The following VTCN1 variants were observed in gnomAD, a reference collection of about 807,000 sequenced individuals.
VTCN1 encodes the protein V-set domain-containing T-cell activation inhibitor 1.
In VTCN1, 26 loss-of-function variants were observed where a neutral mutation model predicts 26.5. The ratio of observed to expected loss-of-function variants is 0.98; its 90% CI spans 0.72 to 1.36. The LOEUF is 1.36. VTCN1 is among the 40% of genes most tolerant of loss of function. VTCN1 has a pLI of 0.00. For synonymous variants in VTCN1, 116 were observed against 130.7 expected (o/e 0.89, Z 0.77); for missense variants, 298 against 337.7 (o/e 0.88, Z 0.92).
At chr1:117,198,554 C>T (rs374277095) in intron 1 of VTCN1, among the ~76,000 whole-genome samples, 21 of 152,278 alleles carry the variant, frequency 1.4e-4, no homozygotes, top group South Asian at 4.1e-4. Flanking sequence ...ATTCTGGCTA[C>T]GTGTGCCTTC....
intron 1 of VTCN1, among the ~76,000 whole-genome samples, chr1:117,194,774 A>G (rs1648426073): frequency 6.6e-6 from 1 of 152,256 alleles, no homozygotes; most frequent in African/African-American, 2.4e-5. Context: ...AGCCACAAAA[A>G]GACAAATACT....
rs145887761 is a variant in VTCN1, at chr1:117,157,092, G to GATATATATATATATATATATATAT, written c.98-172_98-171insATATATATATATATATATATATAT. On this transcript the variant is annotated intron_variant, in intron 2 of 5. Coordinates refer to ENST00000369458, the MANE Select transcript of VTCN1 (RefSeq NM_024626.4). The stretch of plus-strand genomic sequence containing the variant: ...GAAAGAGCAGGAAGACAATCATTTT[G>GATATATATATATATATATATATAT]ATATATATATATATATATATATAGC... 466 of 561,234 alleles carry GATATATATATATATATATATATAT rather than the reference G, an allele frequency of 8.3e-4. 5 individuals carry two copies. The highest frequency in any genetic ancestry group is 5.9e-3 in the African/African-American group (233 of 39,732). The allele number at this position is 561,234 out of a possible 1,614,324, so 34.8% of individuals were successfully genotyped here.
At chr1:117,150,938 T>C (rs1209039033) in intron 4 of VTCN1, among the ~76,000 whole-genome samples, 1 of 152,226 alleles carries the variant, frequency 6.6e-6, no homozygotes, top group African/African-American at 2.4e-5. Context: ...TCATAGCATA[T>C]GATAGGATTT....
rs575586580 is a variant in VTCN1 at position 117,161,544 on chromosome 1, A to C, written c.98-4623T>G. 6.6e-6 allele frequency among the ~76,000 whole-genome samples: 1 copy of C among 152,328 alleles called. No individual in the cohort carries two copies. The highest frequency in any genetic ancestry group is 1.9e-4 in the East Asian group (1 of 5,190). ...TAGTTTGTGAGCTTTTCAAGAGCAG[A>C]AACTGTCTTAATCCTATCTGTAAGT... On this transcript the variant is annotated intron_variant, in intron 2 of 5. Transcript: ENST00000369458. This position sits in a 1 kb window ranked among gnomAD's most constrained non-coding sequence, Gnocchi z 4.3.
rs1647764801 is a variant in VTCN1, at chr1:117,183,324, T to G, written c.33-13153A>C. On this transcript the variant is annotated intron_variant, in intron 1 of 5. Transcript: ENST00000369458. This position sits in a 1 kb window ranked among gnomAD's most constrained non-coding sequence, Gnocchi z 4.1. ...GCCCCACCTTACAGACTGCTTCCCT[T>G]GGAGCGTCTAGCACATAGTCTTTAA... Among the ~76,000 whole-genome samples, 1 of 152,214 alleles carries G rather than the reference T, an allele frequency of 6.6e-6. No individual in the cohort carries two copies. Among genetic ancestry groups the G allele is most frequent in the South Asian group, 2.1e-4 (1 of 4,828 alleles).
chr1:117,196,428 A>T (rs965243602), intron 1 of VTCN1, among the ~76,000 whole-genome samples: 7 of 151,294 alleles, frequency 4.6e-5, no homozygotes, highest in Admixed American at 1.3e-4. Flanking sequence ...AGAGAGACGG[A>T]AAAAAAAGAC....
chr1:117,148,190 C>CTCAT (rs1316518085), intron 4 of VTCN1, among the ~76,000 whole-genome samples: 2 of 152,200 alleles, frequency 1.3e-5, no homozygotes, highest in Non-Finnish European at 2.9e-5. Context: ...AAGTATTATT[C>CTCAT]TCATTCTGAA....
At position 117,175,896 on chromosome 1, in the gene VTCN1, G is replaced by A. The variant is rs557284586; in HGVS notation, c.33-5725C>T. 4.0e-5 allele frequency among the ~76,000 whole-genome samples: 6 copies of A among 151,438 alleles called. No homozygotes were observed. Among genetic ancestry groups the A allele is most frequent in the South Asian group, 2.1e-4 (1 of 4,796 alleles). The stretch of plus-strand genomic sequence containing the variant: ...AGCGATTCTCCCGTCTCAGCTTCCC[G>A]AGTAGCTGGGATTACAGGCACGTGC... On this transcript the variant is annotated intron_variant, in intron 1 of 5. Coordinates refer to ENST00000369458, the MANE Select transcript of VTCN1 (RefSeq NM_024626.4). This position sits in a 1 kb window ranked among gnomAD's most constrained non-coding sequence, Gnocchi z 4.2.
chr1:117,195,088 C>T (rs1648444535), intron 1 of VTCN1, among the ~76,000 whole-genome samples: 1 of 151,474 alleles, frequency 6.6e-6, no homozygotes, highest in Non-Finnish European at 1.5e-5. Context: ...ATAGTGAAAC[C>T]CTATCTCTAG....
chr1:117,210,630 T>C (rs1649304193), intron 1 of VTCN1, among the ~76,000 whole-genome samples, 194 bp downstream of exon 1: 1 of 152,214 alleles, frequency 6.6e-6, no homozygotes, highest in South Asian at 2.1e-4. Flanking sequence ...AACAGGTGCC[T>C]TGAGCAGCTG....
chr1:117,199,500 A>G (rs1200350648), intron 1 of VTCN1, among the ~76,000 whole-genome samples: 1 of 151,840 alleles, frequency 6.6e-6, no homozygotes, highest in South Asian at 2.1e-4. Context: ...AAATTTTTAT[A>G]TTTTTAGTAG....
chr1:117,174,630 G>A (rs1647220540), intron 1 of VTCN1, among the ~76,000 whole-genome samples: 1 of 152,192 alleles, frequency 6.6e-6, no homozygotes, highest in Non-Finnish European at 1.5e-5. Flanking sequence ...AGCTGGGCGT[G>A]GTGGCAAGTG....
At chr1:117,198,529 GA>G (rs923611165) in intron 1 of VTCN1, among the ~76,000 whole-genome samples, 40 of 152,180 alleles carry the variant, frequency 2.6e-4, no homozygotes, top group African/African-American at 9.7e-4. Context: ...AGTGGCTGCA[GA>G]AAAATTAATT....
intron 1 of VTCN1, among the ~76,000 whole-genome samples, chr1:117,198,860 C>T (rs897780749): frequency 2.0e-5 from 3 of 152,020 alleles, no homozygotes; most frequent in Admixed American, 1.3e-4. Flanking sequence ...AGGTCAGTTA[C>T]AAAAAAAGCC....
chr1:117,171,324 G>C (rs945902481), intron 1 of VTCN1, among the ~76,000 whole-genome samples: 2 of 152,296 alleles, frequency 1.3e-5, no homozygotes, highest in Admixed American at 1.3e-4. Flanking sequence ...ATGTGTGCAT[G>C]TATCTCTATA....
intron 1 of VTCN1, among the ~76,000 whole-genome samples, chr1:117,195,433 G>A (rs1163184766): frequency 1.3e-5 from 2 of 152,090 alleles, no homozygotes; most frequent in Admixed American, 6.5e-5. Flanking sequence ...CAATGTATAT[G>A]TACATCAAAT....
At chr1:117,153,029 A>C in intron 4 of VTCN1, 62 bp downstream of exon 4, 1 of 1,541,010 alleles carries the variant, frequency 6.5e-7, no homozygotes, top group Non-Finnish European at 8.8e-7. Context: ...AATGAAGTTA[A>C]ATTTTAATTT....
At chr1:117,163,908 A>C (rs1467533222) in intron 2 of VTCN1, among the ~76,000 whole-genome samples, 1 of 152,256 alleles carries the variant, frequency 6.6e-6, no homozygotes, top group African/African-American at 2.4e-5. Context: ...TTTTCTAAAT[A>C]AACTGTGCAA....
chr1:117,202,687 A>T (rs1648845972), intron 1 of VTCN1, among the ~76,000 whole-genome samples: 1 of 152,238 alleles, frequency 6.6e-6, no homozygotes, highest in African/African-American at 2.4e-5. Flanking sequence ...TTTACAGATG[A>T]GGAATCCAGG....
Sources: allele counts gnomAD v4.1 joint callset (sites outside exome capture counted in the v4.1 genomes callset), GRCh38; gene constraint gnomAD v4.1.1; non-coding constraint Gnocchi (gnomAD v3.1); transcripts MANE v1.5; gene names NCBI Gene and HGNC (gene_info 2026-07-23, HGNC 2026-07-21).